PRH1: variants seen among roughly 807,000 people sequenced by gnomAD.
The protein encoded by PRH1 is salivary acidic proline-rich phosphoprotein 1/2.
Under a neutral mutation model 7.9 loss-of-function variants are expected in PRH1, and 7 were observed. That is an observed-to-expected ratio of 0.89 (90% CI 0.50 to 1.67). PRH1 has a LOEUF of 1.67. Ranked by LOEUF, PRH1 falls within the 40% of genes most tolerant of loss-of-function variation. The pLI, the probability that PRH1 is intolerant of heterozygous loss-of-function variation, is 0.00. For synonymous variants in PRH1, 45 were observed against 80.8 expected (o/e 0.56, Z 2.38); for missense variants, 109 against 223.6 (o/e 0.49, Z 3.27).
At chr12:10,970,650 C>T (rs984732628) in intron 2 of PRH1, among the ~76,000 whole-genome samples, 14 of 151,866 alleles carry the variant, frequency 9.2e-5, no homozygotes, top group African/African-American at 2.4e-4. Context: ...CTACAACCTC[C>T]GCCTCCCAGG....
chr12:11,020,796 T>G (rs200862164), intron 1 of PRH1, among the ~76,000 whole-genome samples: 1 of 135,892 alleles, frequency 7.4e-6, no homozygotes, highest in Non-Finnish European at 1.6e-5. Context: ...TGAGGAATAT[T>G]AGGAATGGGA....
chr12:11,160,481 GTTTT>G (rs76745801), intron 1 of PRH1, among the ~76,000 whole-genome samples: 68,461 of 151,052 alleles, frequency 0.45, 16,249 homozygotes, highest in Non-Finnish European at 0.52. Context: ...TTGTTTGTTT[GTTTT>G]TTTGAGACAG....
chr12:11,049,575 T>C (rs1943057327), upstream of PRH1, among the ~76,000 whole-genome samples: 1 of 152,316 alleles, frequency 6.6e-6, no homozygotes, highest in African/African-American at 2.4e-5. Flanking sequence ...TTCTCATGTG[T>C]TAGTATGCAA....
intron 2 of PRH1, among the ~76,000 whole-genome samples, chr12:10,910,294 CTAA>C (rs1186097177): frequency 3.3e-5 from 5 of 151,906 alleles, no homozygotes; most frequent in Admixed American, 3.3e-4. Flanking sequence ...ACAAAAATAA[CTAA>C]TAATAAAATA....
intron 1 of PRH1, among the ~76,000 whole-genome samples, chr12:11,056,691 G>A (rs765706414): frequency 1.1e-4 from 17 of 152,078 alleles, no homozygotes; most frequent in Non-Finnish European, 2.1e-4. Flanking sequence ...GGTGGTGCCC[G>A]TCTGTAATCC....
chr12:10,952,392 G>A (rs936131648), intron 2 of PRH1, among the ~76,000 whole-genome samples: 4 of 152,162 alleles, frequency 2.6e-5, no homozygotes, highest in Non-Finnish European at 4.4e-5. Context: ...CCCTCATCAC[G>A]TCACAGAAAG....
intron 1 of PRH1, among the ~76,000 whole-genome samples, chr12:10,988,213 A>G (rs1448996635): frequency 6.6e-6 from 1 of 152,074 alleles, no homozygotes; most frequent in Non-Finnish European, 1.5e-5. Flanking sequence ...ATGAGATAAA[A>G]ATATCTAACG....
Position 10,997,763 on chromosome 12 carries a change from C to T in PRH1, c.-125-24042G>A, listed in dbSNP as rs1430631422. 3 of 1,613,898 alleles carry T rather than the reference C, an allele frequency of 1.9e-6. No individual in the cohort carries two copies. The East Asian group carries it at 6.7e-5, about 36-fold the overall frequency. ...TTGATCAGCTGAGGAGATCTTTTGTCTCTTGACCCAGGCAATGAAATTTAT... is the reference window on the plus strand; with the variant it reads ...TTGATCAGCTGAGGAGATCTTTTGTTTCTTGACCCAGGCAATGAAATTTAT... On this transcript the variant is annotated intron_variant, in intron 1 of 3. Transcript: ENST00000539853.
intron 1 of PRH1, among the ~76,000 whole-genome samples, chr12:11,033,298 C>G (rs745436820): frequency 1.8e-4 from 28 of 152,064 alleles, no homozygotes; most frequent in Non-Finnish European, 3.4e-4. Flanking sequence ...ACCCGGGAGG[C>G]GGAGGTTGCA....
intron 1 of PRH1, chr12:11,022,596 G>C (rs562944066): frequency 1.3e-6 from 2 of 1,533,844 alleles, no homozygotes; most frequent in East Asian, 4.5e-5. Flanking sequence ...AAAAATGCAG[G>C]CTTAGTAACA....
chr12:11,062,115 C>A (rs575651270), intron 1 of PRH1: 2 of 1,613,368 alleles, frequency 1.2e-6, no homozygotes, highest in Non-Finnish European at 1.7e-6. Context: ...ATACTAATAC[C>A]CAGAGTAAAC....
intron 1 of PRH1, among the ~76,000 whole-genome samples, chr12:11,168,264 GAAA>G (rs1565725326): frequency 0.014 from 467 of 34,178 alleles, 94 homozygotes; most frequent in Non-Finnish European, 0.023. Flanking sequence ...AAGAAAGAAA[GAAA>G]GAAAGAAAGA....
chr12:10,949,997 T>C (rs921026359), intron 2 of PRH1, among the ~76,000 whole-genome samples: 1 of 152,208 alleles, frequency 6.6e-6, no homozygotes, highest in African/African-American at 2.4e-5. Flanking sequence ...TTTTTCAATA[T>C]TGATAATTCC....
chr12:10,995,687 T>C (rs764758212), intron 1 of PRH1, among the ~76,000 whole-genome samples: 2 of 152,082 alleles, frequency 1.3e-5, no homozygotes, highest in African/African-American at 2.4e-5. Context: ...AAGGAGGAAA[T>C]TGACAATTCA....
intron 1 of PRH1, among the ~76,000 whole-genome samples, chr12:11,042,623 C>CTTTTTTTTTTTTTTTTTTTTTTTTTTT (rs71051557): frequency 8.8e-5 from 7 of 79,320 alleles, no homozygotes; most frequent in Admixed American, 1.6e-4. Context: ...CAGGCTCATT[C>CTTTTTTTTTTTTTTTTTTTTTTTTTTT]TTTTTTTTTT....
At chr12:11,016,455 G>A (rs190310787) in intron 1 of PRH1, among the ~76,000 whole-genome samples, 1,709 of 152,278 alleles carry the variant, frequency 0.011, 16 homozygotes, top group South Asian at 0.033. Context: ...GGGTAACTGG[G>A]ACTACAGGTG....
At chr12:11,150,306 C>A (rs1304929944) in intron 1 of PRH1, among the ~76,000 whole-genome samples, 1 of 151,942 alleles carries the variant, frequency 6.6e-6, no homozygotes, top group Non-Finnish European at 1.5e-5. Context: ...TTGACCCAGC[C>A]ATCCCATTAC....
intron 1 of PRH1, chr12:10,986,021 A>T: frequency 6.2e-7 from 1 of 1,613,964 alleles, no homozygotes; most frequent in Middle Eastern, 1.7e-4. Flanking sequence ...TGGTTCTCCA[A>T]ATTAGGATGA....
chr12:11,159,470 T>C (rs1431450184), intron 1 of PRH1: 1 of 151,396 alleles, frequency 6.6e-6, no homozygotes, highest in Non-Finnish European at 1.5e-5. Flanking sequence ...GGATGGTATA[T>C]AGATGAGGGG....
Sources: gnomAD v4.1 joint callset for allele counts (sites outside exome capture counted in the v4.1 genomes callset) on GRCh38, gnomAD v4.1.1 for gene constraint, MANE v1.5 for transcripts, NCBI Gene and HGNC (gene_info 2026-07-23, HGNC 2026-07-21) for gene names.